HDAC4: variants seen among roughly 807,000 people sequenced by gnomAD.
HDAC4 encodes histone deacetylase A.
Under a neutral mutation model 135.1 loss-of-function variants are expected in HDAC4, and 16 were observed. The ratio of observed to expected loss-of-function variants is 0.12; its 90% CI spans 0.08 to 0.18. The LOEUF (loss-of-function observed/expected upper bound fraction) is 0.18, where lower values mean the gene tolerates loss of function less well. Ranked by LOEUF, HDAC4 falls within the 10% of genes least tolerant of loss-of-function variation. The pLI is 1.00. For synonymous variants in HDAC4, 685 were observed against 653.4 expected (o/e 1.05, Z -0.74); for missense variants, 1,143 against 1,511.8 (o/e 0.76, Z 4.05).
chr2:239,254,802 T>A (rs10193575), intron 2 of HDAC4, among the ~76,000 whole-genome samples: 150,189 of 152,394 alleles, frequency 0.99, 74,017 homozygotes, highest in East Asian at 1. Flanking sequence ...GCTAAGTCTC[T>A]ATTAGGATAA....
rs930474317 is a variant in HDAC4 at position 239,309,771 on chromosome 2, G to T, written c.22+42907C>A. On this transcript the variant is annotated intron_variant, in intron 2 of 26. Transcript: ENST00000543185. The surrounding 1 kb of genome is among the most constrained non-coding windows in gnomAD (Gnocchi z 4.2). The stretch of plus-strand genomic sequence containing the variant: ...CCATCCCCTTCCCCTTCGCTCATCT[G>T]GGGAAGCTGTGAGGACTGGTGTTGA... Among the ~76,000 whole-genome samples, 1 of 152,334 alleles carries T rather than the reference G, an allele frequency of 6.6e-6. No homozygotes were observed. The highest frequency in any genetic ancestry group is 6.5e-5 in the Admixed American group (1 of 15,308).
chr2:239,268,722 C>T (rs937996536), intron 2 of HDAC4, among the ~76,000 whole-genome samples: 1 of 152,132 alleles, frequency 6.6e-6, no homozygotes, highest in Non-Finnish European at 1.5e-5. Context: ...AACAGGACTC[C>T]CCAGGAAACC....
At chr2:239,372,480 CCGCGCACACACG>C (rs1270524186) in intron 1 of HDAC4, among the ~76,000 whole-genome samples, 1 of 152,260 alleles carries the variant, frequency 6.6e-6, no homozygotes, top group Admixed American at 6.5e-5. Flanking sequence ...GGCTGGGCTC[CCGCGCACACACG>C]CGCGCACACA....
chr2:239,123,172 A>C (rs2039840374), intron 12 of HDAC4, among the ~76,000 whole-genome samples: 1 of 152,238 alleles, frequency 6.6e-6, no homozygotes, highest in Non-Finnish European at 1.5e-5. Context: ...CTCCTACCCC[A>C]TCACTCAGAT....
intron 17 of HDAC4, chr2:239,094,684 C>T (rs1487107059): frequency 4.9e-6 from 6 of 1,216,774 alleles, no homozygotes; most frequent in Admixed American, 7.1e-5. Flanking sequence ...ATACTCGTGG[C>T]CTGATGTGAG....
intron 3 of HDAC4, among the ~76,000 whole-genome samples, chr2:239,212,845 A>G (rs901059809): frequency 1.3e-5 from 2 of 152,200 alleles, no homozygotes; most frequent in Non-Finnish European, 2.9e-5. Context: ...GGCCAGGAAG[A>G]TAAGCAGTCA....
chr2:239,055,452 C>T (rs554550818), intron 24 of HDAC4: 2 of 163,734 alleles, frequency 1.2e-5, no homozygotes, highest in African/African-American at 4.8e-5. Context: ...CGTGGTGGCT[C>T]ACGCCTGTAA....
Position 239,242,134 on chromosome 2 carries a change from GAGAA to G in HDAC4, c.23-5474_23-5471del, listed in dbSNP as rs528277115. On this transcript the variant is annotated intron_variant, in intron 2 of 26. Coordinates refer to ENST00000543185, the MANE Select transcript of HDAC4 (RefSeq NM_001378414.1). ...AAAGAAAGAAAGAAAGAAGGAGAAA[GAGAA>G]AGAAAGAAAGAAAGAGAAAGAAAGA... 1.3e-3 allele frequency among the ~76,000 whole-genome samples: 196 copies of G among 149,582 alleles called. 1 individual carries two copies. The highest frequency in any genetic ancestry group is 6.9e-3 in the Middle Eastern group (2 of 290).
In HDAC4 at chr2:239,163,849, G is replaced by A. The variant is rs746764988; in HGVS notation, c.565C>T (p.Arg189Trp). 17 of 1,614,012 alleles carry A rather than the reference G, an allele frequency of 1.1e-5. No homozygotes were observed. The Admixed American group carries it at 2.0e-4, about 19-fold the overall frequency. Reference protein sequence around the residue: ...VLNKKKALAHRNLNHCISSDP... With the variant: ...VLNKKKALAHWNLNHCISSDP... ...CTGGAAATGCAGTGGTTCAGATTCC[G>A]GTGGGCCAGCGCCTTCTTTTTATTG... The change falls in exon 6 of 27, where the codon CGG becomes TGG. Residue 189 changes from arginine (R) to tryptophan (W), a missense_variant. By Grantham distance (101) the Arg-to-Trp change is moderately radical (BLOSUM62 -3). Transcript: ENST00000543185.
At chr2:239,063,736 T>C (rs57024330) in intron 24 of HDAC4, among the ~76,000 whole-genome samples, 4,909 of 152,266 alleles carry the variant, frequency 0.032, 258 homozygotes, top group African/African-American at 0.11. Context: ...GTGCCTGCAC[T>C]TCTGGGCTCT....
chr2:239,081,063 C>T, intron 22 of HDAC4, 32 bp downstream of exon 22: 1 of 1,518,438 alleles, frequency 6.6e-7, no homozygotes, highest in Non-Finnish European at 9.1e-7. Context: ...AAAGCTGCTA[C>T]TTCAGGTGTC....
chr2:239,219,590 C>A (rs1393691519), intron 3 of HDAC4, among the ~76,000 whole-genome samples: 1 of 151,592 alleles, frequency 6.6e-6, no homozygotes, highest in Non-Finnish European at 1.5e-5. Flanking sequence ...GCACATTGTG[C>A]ACATGTACCC....
intron 2 of HDAC4, among the ~76,000 whole-genome samples, chr2:239,255,060 C>T (rs2048980322): frequency 6.6e-6 from 1 of 152,170 alleles, no homozygotes; most frequent in Non-Finnish European, 1.5e-5. Context: ...AAAACAAAAA[C>T]ATTTTCAGAT....
chr2:239,335,024 CAAAAAA>C (rs35641548), intron 2 of HDAC4, among the ~76,000 whole-genome samples: 1 of 94,508 alleles, frequency 1.1e-5, no homozygotes, highest in African/African-American at 4.3e-5. Context: ...GACTCCATCT[CAAAAAA>C]AAAAAAAAAA....
chr2:239,180,764 C>T (rs758729433), intron 4 of HDAC4, among the ~76,000 whole-genome samples: 1 of 152,214 alleles, frequency 6.6e-6, no homozygotes, highest in Non-Finnish European at 1.5e-5. Flanking sequence ...GCCGCTGCCC[C>T]CCATGGCCCA....
At chr2:239,144,049 C>T (rs192561445) in intron 8 of HDAC4, among the ~76,000 whole-genome samples, 1 of 152,174 alleles carries the variant, frequency 6.6e-6, no homozygotes, top group Non-Finnish European at 1.5e-5. Flanking sequence ...TCTTGTCCTT[C>T]TGCGTGTCCA....
intron 3 of HDAC4, among the ~76,000 whole-genome samples, chr2:239,227,471 C>CCCCTGCAGGT (rs1335978039): frequency 1.3e-5 from 2 of 152,184 alleles, no homozygotes; most frequent in East Asian, 3.9e-4. Flanking sequence ...ACCCTGCATG[C>CCCCTGCAGGT]CCCTGCAGGT....
At chr2:239,130,327 C>T (rs560545671) in intron 11 of HDAC4, among the ~76,000 whole-genome samples, 3 of 152,302 alleles carry the variant, frequency 2.0e-5, no homozygotes, top group Admixed American at 1.3e-4. Context: ...CTGGGACTCG[C>T]TGTTTTTTGG....
chr2:239,109,958 G>A (rs948040643), intron 14 of HDAC4, among the ~76,000 whole-genome samples: 7 of 152,306 alleles, frequency 4.6e-5, no homozygotes, highest in African/African-American at 9.6e-5. Context: ...ATGGAGAAGC[G>A]GCAAAGCCCA....
Sources: allele counts gnomAD v4.1 joint callset (sites outside exome capture counted in the v4.1 genomes callset), GRCh38; gene constraint gnomAD v4.1.1; non-coding constraint Gnocchi (gnomAD v3.1); transcripts MANE v1.5; gene names NCBI Gene and HGNC (gene_info 2026-07-23, HGNC 2026-07-21).